The following SLC35F3 variants were observed in gnomAD, a reference collection of about 807,000 sequenced individuals.
SLC35F3 encodes the protein solute carrier family 35 member F3, also known as putative thiamine transporter SLC35F3.
SLC35F3 carries 25 observed loss-of-function variants against 49.9 expected under a neutral mutation model. The observed-to-expected ratio is 0.50, with a 90% CI of 0.37 to 0.70. The LOEUF is 0.70. Among genes scored for constraint, SLC35F3 ranks in the 30% least tolerant of loss-of-function variants. The probability of loss-of-function intolerance (pLI) is 0.00; values close to 1 mark genes in which losing one functional copy is unlikely to be tolerated. For missense variants in SLC35F3, 525 were observed against 639.8 expected, an observed-to-expected ratio of 0.82 and a Z score of 1.94; for synonymous variants, 275 against 265.4, an observed-to-expected ratio of 1.04 and a Z score of -0.35.
chr1:234,010,315 T>C (rs1663695938), intron 2 of SLC35F3, among the ~76,000 whole-genome samples: 2 of 152,114 alleles, frequency 1.3e-5, no homozygotes, highest in Admixed American at 1.3e-4. Context: ...TTTATGTAAG[T>C]CTCACAAAGC....
chr1:234,158,720 A>C (rs1666186209), intron 2 of SLC35F3, among the ~76,000 whole-genome samples: 1 of 152,232 alleles, frequency 6.6e-6, no homozygotes, highest in Non-Finnish European at 1.5e-5. Flanking sequence ...GTCAAAAAGC[A>C]TGTGCATATT....
chr1:233,951,319 A>G (rs1662604768), intron 2 of SLC35F3, among the ~76,000 whole-genome samples: 1 of 151,970 alleles, frequency 6.6e-6, no homozygotes, highest in African/African-American at 2.4e-5. Flanking sequence ...GTGTTTATAA[A>G]GTCTCCAGTA....
rs1159917115 is a variant in SLC35F3, at chr1:234,320,543, T to A, written c.1237+356T>A. On this transcript the variant is annotated intron_variant, in intron 7 of 7. Transcript: ENST00000366618. This position sits in a 1 kb window ranked among gnomAD's most constrained non-coding sequence, Gnocchi z 4.8. Reference sequence around the variant, plus strand: ...TAACTGGTATGGGGAGCAGAATGAATCTCATCAGCATTATTAACAAATGTA... The same window carrying A: ...TAACTGGTATGGGGAGCAGAATGAAACTCATCAGCATTATTAACAAATGTA... Among the ~76,000 whole-genome samples, 1 of 152,104 alleles carries A rather than the reference T, an allele frequency of 6.6e-6. No homozygotes were observed. Among genetic ancestry groups the A allele is most frequent in the Non-Finnish European group, 1.5e-5 (1 of 68,018 alleles).
At chr1:234,235,830 C>T (rs917045334) in intron 3 of SLC35F3, among the ~76,000 whole-genome samples, 1 of 152,220 alleles carries the variant, frequency 6.6e-6, no homozygotes, top group Non-Finnish European at 1.5e-5. Context: ...TTAAACCCTG[C>T]AAGGGCCCGG....
intron 3 of SLC35F3, among the ~76,000 whole-genome samples, chr1:234,277,639 A>G (rs1021732403): frequency 3.9e-5 from 6 of 152,198 alleles, no homozygotes; most frequent in Admixed American, 2.0e-4. Context: ...AAAATACACA[A>G]CAAAGGGTGC....
intron 2 of SLC35F3, among the ~76,000 whole-genome samples, chr1:234,149,619 GGA>G (rs1440670119): frequency 6.6e-6 from 1 of 152,018 alleles, no homozygotes; most frequent in African/African-American, 2.4e-5. Flanking sequence ...ATGAATTCCT[GGA>G]CATCTGTTTC....
chr1:234,131,455 C>G (rs1297508762), intron 2 of SLC35F3, among the ~76,000 whole-genome samples: 1 of 152,164 alleles, frequency 6.6e-6, no homozygotes, highest in Non-Finnish European at 1.5e-5. Context: ...CCCCTTCCCC[C>G]CATCCCAGTC....
At chr1:233,956,887 C>T (rs1473251408) in intron 2 of SLC35F3, among the ~76,000 whole-genome samples, 1 of 152,206 alleles carries the variant, frequency 6.6e-6, no homozygotes, top group African/African-American at 2.4e-5. Context: ...TAGGAATCCA[C>T]ACAGGTGCCC....
chr1:234,124,166 G>A (rs193144220), intron 2 of SLC35F3, among the ~76,000 whole-genome samples: 6 of 152,268 alleles, frequency 3.9e-5, no homozygotes, highest in South Asian at 2.1e-4. Context: ...AGCCAGAGAC[G>A]AATGATGTAG....
intron 2 of SLC35F3, among the ~76,000 whole-genome samples, chr1:233,953,901 G>C (rs190112719): frequency 6.6e-6 from 1 of 152,186 alleles, no homozygotes; most frequent in Non-Finnish European, 1.5e-5. Context: ...TGTGGCCCAG[G>C]CTGCATTTCT....
intron 5 of SLC35F3, among the ~76,000 whole-genome samples, chr1:234,317,486 T>G (rs1311308927): frequency 6.6e-6 from 1 of 152,118 alleles, no homozygotes; most frequent in African/African-American, 2.4e-5. Context: ...GAAGATTCAA[T>G]GAGAAAAGAG....
chr1:233,958,441 G>C (rs1021008740), intron 2 of SLC35F3, among the ~76,000 whole-genome samples: 37 of 152,210 alleles, frequency 2.4e-4, no homozygotes, highest in Non-Finnish European at 5.1e-4. Flanking sequence ...ATCAATGAAT[G>C]AATGAATGAG....
intron 3 of SLC35F3, among the ~76,000 whole-genome samples, chr1:234,258,128 C>G (rs957396399): frequency 2.7e-4 from 41 of 152,120 alleles, no homozygotes; most frequent in African/African-American, 9.7e-4. Flanking sequence ...AAGTCAGCCT[C>G]CCCGAAAGCT....
At chr1:234,210,197 A>G (rs1490224522) in intron 2 of SLC35F3, among the ~76,000 whole-genome samples, 1 of 152,164 alleles carries the variant, frequency 6.6e-6, no homozygotes, top group Admixed American at 6.5e-5. Context: ...GCCTTCCAGC[A>G]TGATTGTGAG....
At chr1:234,031,965 AAAC>A (rs1396678726) in intron 2 of SLC35F3, among the ~76,000 whole-genome samples, 1 of 152,176 alleles carries the variant, frequency 6.6e-6, no homozygotes, top group African/African-American at 2.4e-5. Context: ...GTGTAGACAA[AAAC>A]AACAGCCCAC....
intron 3 of SLC35F3, among the ~76,000 whole-genome samples, chr1:234,275,336 A>C (rs941774014): frequency 2.7e-4 from 41 of 149,920 alleles, no homozygotes; most frequent in Non-Finnish European, 4.8e-4. Flanking sequence ...CAAAATCCCA[A>C]AAAAAAAAAA....
At chr1:234,069,220 A>G (rs1412657782) in intron 2 of SLC35F3, among the ~76,000 whole-genome samples, 6 of 139,998 alleles carry the variant, frequency 4.3e-5, no homozygotes, top group African/African-American at 1.6e-4. Context: ...ATTATATTAT[A>G]TATAATTTTA....
chr1:234,220,537 A>G (rs772031790), intron 2 of SLC35F3, among the ~76,000 whole-genome samples: 4 of 152,176 alleles, frequency 2.6e-5, no homozygotes, highest in Non-Finnish European at 5.9e-5. Context: ...ATGCCTCTAC[A>G]GTGGCTCCTA....
At chr1:234,238,327 A>G (rs1438786268) in intron 3 of SLC35F3, among the ~76,000 whole-genome samples, 1 of 152,200 alleles carries the variant, frequency 6.6e-6, no homozygotes, top group East Asian at 1.9e-4. Flanking sequence ...CATGTAATCA[A>G]TGCTCCAAGT....
Sources: allele counts gnomAD v4.1 joint callset (sites outside exome capture counted in the v4.1 genomes callset), GRCh38; gene constraint gnomAD v4.1.1; non-coding constraint Gnocchi (gnomAD v3.1); transcripts MANE v1.5; gene names NCBI Gene and HGNC (gene_info 2026-07-23, HGNC 2026-07-21).